BAZ1A: variants seen among roughly 807,000 people sequenced by gnomAD.
The protein encoded by BAZ1A is bromodomain adjacent to zinc finger domain protein 1A.
In BAZ1A, 50 loss-of-function variants were observed where a neutral mutation model predicts 185.2. The observed-to-expected ratio is 0.27, with a 90% CI of 0.22 to 0.34. BAZ1A has a LOEUF of 0.34. Among genes scored for constraint, BAZ1A ranks in the 10% least tolerant of loss-of-function variants. BAZ1A has a pLI of 1.00. For missense variants in BAZ1A, 1,356 were observed against 1,839.9 expected, an observed-to-expected ratio of 0.74 and a Z score of 4.81; for synonymous variants, 571 against 615.6, an observed-to-expected ratio of 0.93 and a Z score of 1.07.
At chr14:34,844,775 G>A (rs61988032) in intron 3 of BAZ1A, among the ~76,000 whole-genome samples, 118 of 135,596 alleles carry the variant, frequency 8.7e-4, no homozygotes, top group Non-Finnish European at 1.5e-3. Context: ...ACACACACAC[G>A]CGCACACACA....
chr14:34,771,445 A>T, intron 21 of BAZ1A, 66 bp downstream of exon 21: 1 of 1,430,886 alleles, frequency 7.0e-7, no homozygotes, highest in Non-Finnish European at 9.4e-7. Context: ...AAGTTCTATT[A>T]GTTAAAGGCC....
intron 4 of BAZ1A, among the ~76,000 whole-genome samples, chr14:34,815,997 C>T (rs754418188): frequency 1.3e-5 from 2 of 150,616 alleles, no homozygotes; most frequent in South Asian, 2.1e-4. Context: ...ATCTTACTAA[C>T]GATTAGTCAA....
At chr14:34,852,341 G>A (rs761312670) in intron 3 of BAZ1A, among the ~76,000 whole-genome samples, 3 of 152,024 alleles carry the variant, frequency 2.0e-5, no homozygotes, top group Non-Finnish European at 4.4e-5. Flanking sequence ...AAAATCAGCG[G>A]GGCACAATGG....
At chr14:34,773,522 T>A in intron 20 of BAZ1A, 50 bp downstream of exon 20, 13 of 1,401,852 alleles carry the variant, frequency 9.3e-6, no homozygotes, top group South Asian at 1.4e-5. Context: ...AAAAAAAACC[T>A]TAAAATGGCA....
chr14:34,835,692 G>A (rs1375957176), intron 3 of BAZ1A, among the ~76,000 whole-genome samples: 1 of 147,364 alleles, frequency 6.8e-6, no homozygotes, highest in African/African-American at 2.5e-5. Flanking sequence ...TTTTTCCTGA[G>A]ACAGAGTTTC....
At chr14:34,782,068 A>G (rs1880074637) in intron 16 of BAZ1A, among the ~76,000 whole-genome samples, 1 of 152,218 alleles carries the variant, frequency 6.6e-6, no homozygotes, top group Admixed American at 6.5e-5. Context: ...GAGTGCAACT[A>G]CTGGGTCATA....
At chr14:34,759,632 C>T (rs1433438602) in intron 24 of BAZ1A, among the ~76,000 whole-genome samples, 1 of 151,924 alleles carries the variant, frequency 6.6e-6, no homozygotes, top group Non-Finnish European at 1.5e-5. Flanking sequence ...AAGCAATTCT[C>T]ACTGGTAAAG....
At chr14:34,763,045 G>A (rs552265633) in intron 23 of BAZ1A, among the ~76,000 whole-genome samples, 18 of 152,198 alleles carry the variant, frequency 1.2e-4, no homozygotes, top group Admixed American at 7.2e-4. Flanking sequence ...TGAATACCAC[G>A]CCAAGAACCT....
intron 9 of BAZ1A, among the ~76,000 whole-genome samples, chr14:34,798,738 A>G (rs1881342963): frequency 6.6e-6 from 1 of 152,188 alleles, no homozygotes; most frequent in Admixed American, 6.5e-5. Context: ...GAAACAACAG[A>G]TGCTGGAGAA....
rs761909367 is a variant in BAZ1A at position 34,758,750 on chromosome 14, C to T, written c.4340G>A (p.Arg1447Gln). ...CAAAAAAGGCCAGCTGTCATCATGT[C>T]GTACCAATTCTACAACAAGTTGTTC... ...AFEQLVVELV[R>Q]HDDSWPFLKL... Residue 1447 changes from arginine (R) to glutamine (Q), a missense_variant, in exon 25 of 27, where the codon CGA becomes CAA. Transcript: ENST00000360310. 4 of 1,614,038 alleles carry T rather than the reference C, an allele frequency of 2.5e-6. No homozygotes were observed. The highest frequency in any genetic ancestry group is 1.3e-5 in the African/African-American group (1 of 74,928).
rs114109847 is a variant in BAZ1A, at chr14:34,850,776, C to T, written c.392+11268G>A. On this transcript the variant is annotated intron_variant, in intron 3 of 26. Transcript: ENST00000360310. Reference sequence around the variant, plus strand: ...TGCACACACTCAACTTTCTCCCAGACGGAATTAGTATGTATTCCATAGCCA... The same window carrying T: ...TGCACACACTCAACTTTCTCCCAGATGGAATTAGTATGTATTCCATAGCCA... Among the ~76,000 whole-genome samples the T allele has an allele frequency of 6.2e-3, 944 of 152,240 alleles. 17 individuals carry two copies. Among genetic ancestry groups the T allele is most frequent in the African/African-American group, 0.022 (908 of 41,520 alleles).
rs1410525835 is a variant in BAZ1A, at chr14:34,764,807, C to G, written c.3676G>C (p.Asp1226His). Residue 1226 changes from aspartate (D) to histidine (H), a missense_variant, in exon 23 of 27, where the codon GAT (aspartate) becomes CAT (histidine). This residue lies in a region of BAZ1A where 309 missense variants were observed against 355.3 expected (regional missense o/e 0.87). Coordinates refer to ENST00000360310, the MANE Select transcript of BAZ1A (RefSeq NM_013448.3). ...EDVEDSMGGE[D>H]DEVDGDEEEG... The stretch of plus-strand genomic sequence containing the variant: ...TCTTCATCGCCATCAACTTCATCAT[C>G]CTCACCTCCCATACTGTCTTCCACA... 6.2e-7 allele frequency: 1 copy of G among 1,613,432 alleles called. No homozygotes were observed. Among genetic ancestry groups the G allele is most frequent in the South Asian group, 1.1e-5 (1 of 91,058 alleles).
chr14:34,829,795 T>A lies in BAZ1A; in HGVS notation c.393-3639A>T, dbSNP rs74792942. Among the ~76,000 whole-genome samples the A allele has an allele frequency of 5.6e-3, 860 of 152,274 alleles. 7 individuals carry two copies. The highest frequency in any genetic ancestry group is 0.02 in the African/African-American group (819 of 41,546). ...TTACCTATTCATCATCTAACCTACC[T>A]CCCTGACCACACTTCTTCTCTGTCT... On this transcript the variant is annotated intron_variant, in intron 3 of 26. Transcript: ENST00000360310.
intron 5 of BAZ1A, 21 bp downstream of exon 5, chr14:34,810,914 T>G: frequency 1.3e-5 from 20 of 1,505,428 alleles, no homozygotes; most frequent in Non-Finnish European, 1.7e-5. Context: ...AAACTACTAT[T>G]GAGAAGATAG....
At chr14:34,757,678 A>G (rs1886318562) in intron 25 of BAZ1A, among the ~76,000 whole-genome samples, 6 of 150,260 alleles carry the variant, frequency 4.0e-5, no homozygotes, top group Admixed American at 3.3e-4. Flanking sequence ...ACAAAAACAA[A>G]AACAACAAAA....
intron 3 of BAZ1A, chr14:34,828,611 T>C (rs1264486174): frequency 6.6e-6 from 1 of 152,230 alleles, no homozygotes; most frequent in African/African-American, 2.4e-5. Flanking sequence ...CAAATGTCCA[T>C]ATCCTTCATA....
chr14:34,760,874 T>G, intron 24 of BAZ1A, among the ~76,000 whole-genome samples: 1 of 151,762 alleles, frequency 6.6e-6, no homozygotes, highest in Non-Finnish European at 1.5e-5. Flanking sequence ...AAAATCAAAA[T>G]TTTATTACCA....
In BAZ1A at chr14:34,794,911, A is replaced by C. The variant is rs1411483015; in HGVS notation, c.1225-24T>G. On this transcript the variant is annotated intron_variant, in intron 10 of 26. Coordinates refer to ENST00000360310, the MANE Select transcript of BAZ1A (RefSeq NM_013448.3). The stretch of plus-strand genomic sequence containing the variant: ...TCCTGAAATATTGAACAATTTATAT[A>C]ACTATTTGAACCAAGAGCAGGAAAA... 3.7e-6 allele frequency: 6 copies of C among 1,600,148 alleles called. No individual in the cohort carries two copies. In the African/African-American group the frequency reaches 8.1e-5, roughly 22 times the overall value.
rs566201758 is a variant in BAZ1A at position 34,807,699 on chromosome 14, C to A, written c.639-161G>T. On this transcript the variant is annotated intron_variant, in intron 5 of 26. Coordinates refer to ENST00000360310, the MANE Select transcript of BAZ1A (RefSeq NM_013448.3). ...GTATTTATGTAGAAGTTACAAGAAA[C>A]TTTTACAGAGGTATTTATTAGGAAG... Among the ~76,000 whole-genome samples the A allele has an allele frequency of 3.9e-5, 6 of 152,230 alleles. No individual in the cohort carries two copies. In the East Asian group the frequency reaches 1.2e-3, roughly 29 times the overall value.
Sources: allele counts gnomAD v4.1 joint callset (sites outside exome capture counted in the v4.1 genomes callset), GRCh38; gene constraint gnomAD v4.1.1; regional missense constraint gnomAD v4.1.1; transcripts MANE v1.5; gene names NCBI Gene and HGNC (gene_info 2026-07-23, HGNC 2026-07-21).